Variants in SLC35B3 observed in about 807,000 individuals in gnomAD.
The protein encoded by SLC35B3 is adenosine 3'-phospho 5'-phosphosulfate transporter 2.
Under a neutral mutation model 44.1 loss-of-function variants are expected in SLC35B3, and 35 were observed. The observed-to-expected ratio is 0.79, with a 90% CI of 0.61 to 1.05. The LOEUF is 1.05. Ranked by LOEUF, SLC35B3 falls within the 50% of genes least tolerant of loss-of-function variation. The probability of loss-of-function intolerance (pLI) is 0.00; values close to 1 mark genes in which losing one functional copy is unlikely to be tolerated. For synonymous variants in SLC35B3, 146 were observed against 167.3 expected (o/e 0.87, Z 0.98); for missense variants, 414 against 476.4 (o/e 0.87, Z 1.22).
chr6:8,432,397 C>T lies in SLC35B3; in HGVS notation c.3+1988G>A, dbSNP rs1764077546. 6.6e-6 allele frequency among the ~76,000 whole-genome samples: 1 copy of T among 152,058 alleles called. No homozygotes were observed. The highest frequency in any genetic ancestry group is 1.5e-5 in the Non-Finnish European group (1 of 68,026). On this transcript the variant is annotated intron_variant, in intron 2 of 10. Transcript: ENST00000644923. The surrounding 1 kb of genome is among the most constrained non-coding windows in gnomAD (Gnocchi z 4.8). ...TGCTTTTATTGGCATCAAAACATTT[C>T]TCCAGAAGGTCACGCTTTCCCAAAG...
chr6:8,427,760 A>C, intron 4 of SLC35B3, 177 bp downstream of exon 3: 1 of 465,596 alleles, frequency 2.1e-6, no homozygotes, highest in Non-Finnish European at 3.7e-6. Context: ...TGCATTTAAG[A>C]CTTTATTTTT....
At chr6:8,424,500 T>TCC (rs1763233448) in intron 4 of SLC35B3, among the ~76,000 whole-genome samples, 1 of 152,148 alleles carries the variant, frequency 6.6e-6, no homozygotes, top group African/African-American at 2.4e-5. Context: ...CCTCAGGTGA[T>TCC]CAACCTGCCT....
chr6:8,422,105 A>G (rs933078320), intron 5 of SLC35B3, among the ~76,000 whole-genome samples: 2 of 152,128 alleles, frequency 1.3e-5, no homozygotes, highest in African/African-American at 4.8e-5. Context: ...CCTGGGTTCA[A>G]GCAATTCGTC....
At chr6:8,422,177 G>GT (rs1185430823) in intron 5 of SLC35B3, among the ~76,000 whole-genome samples, 1 of 152,052 alleles carries the variant, frequency 6.6e-6, no homozygotes, top group Non-Finnish European at 1.5e-5. Context: ...GCTAATTTTT[G>GT]TATTTTTAGT....
In SLC35B3 at chr6:8,417,443, A is replaced by C. The variant is rs1561746986; in HGVS notation, c.832T>G (p.Cys278Gly). The change falls in exon 8 of 11, where the codon TGC becomes GGC. Residue 278 changes from cysteine to glycine, a missense_variant. Coordinates refer to ENST00000644923, the MANE Select transcript of SLC35B3 (RefSeq NM_001370476.2). ...ACTGCAGGGCCTAATCCACTAGTGCATGTCAATCCCAGTAAAATGTATACA... is the reference window on the plus strand; with the variant it reads ...ACTGCAGGGCCTAATCCACTAGTGCCTGTCAATCCCAGTAAAATGTATACA... 1 of 1,607,326 alleles carries C rather than the reference A, an allele frequency of 6.2e-7. No individual in the cohort carries two copies. Among genetic ancestry groups the C allele is most frequent in the Non-Finnish European group, 8.5e-7 (1 of 1,177,220 alleles).
chr6:8,417,560 T>A, intron 7 of SLC35B3, 66 bp from the exon 7 acceptor site: 1 of 878,662 alleles, frequency 1.1e-6, no homozygotes, highest in Non-Finnish European at 1.8e-6. Flanking sequence ...TTAAGGGTTT[T>A]AACTCTATGG....
chr6:8,415,048 CA>C, intron 9 of SLC35B3, 71 bp from the exon 9 acceptor site: 3 of 1,057,888 alleles, frequency 2.8e-6, no homozygotes, highest in Non-Finnish European at 4.3e-6. Context: ...ACTTATTCAG[CA>C]AATATTTAGA....
rs534204460 is a variant in SLC35B3, at chr6:8,413,333, A to C, written c.*216T>G. On this transcript the variant is annotated 3_prime_UTR_variant, in exon 11 of 11. Transcript: ENST00000644923. The stretch of plus-strand genomic sequence containing the variant: ...TCCTTCATATTGACATTTTATTGTA[A>C]AGTCTGCTAGACGTGGCTCTCTTGA... The C allele has an allele frequency of 1.2e-3, 510 of 438,612 alleles. No homozygotes were observed. Among genetic ancestry groups the C allele is most frequent in the Middle Eastern group, 1.7e-3 (3 of 1,742 alleles). The allele number at this position is 438,612 out of a possible 1,614,324, so 27.2% of individuals were successfully genotyped here. A position where few individuals can be genotyped will look rare whatever the true frequency, so the allele number is the denominator to read the frequency against.
chr6:8,417,556 G>A (rs936484690), intron 7 of SLC35B3, 62 bp from the exon 7 acceptor site: 3 of 932,554 alleles, frequency 3.2e-6, no homozygotes, highest in Non-Finnish European at 4.9e-6. Flanking sequence ...AAGATTAAGG[G>A]TTTTAACTCT....
In SLC35B3 at chr6:8,422,464, C is replaced by T; in HGVS notation, c.574+6G>A. Reference sequence around the variant, plus strand: ...TAAATAGTATAAAAACATATCATTACTATACCTTGAATAAAAACTCCTCCT... The same window carrying T: ...TAAATAGTATAAAAACATATCATTATTATACCTTGAATAAAAACTCCTCCT... On this transcript the variant is annotated splice_donor_region_variant and intron_variant, in intron 5 of 10. Coordinates refer to ENST00000644923, the MANE Select transcript of SLC35B3 (RefSeq NM_001370476.2). The T allele has an allele frequency of 6.2e-7, 1 of 1,605,034 alleles. No individual in the cohort carries two copies. Among genetic ancestry groups the T allele is most frequent in the East Asian group, 2.2e-5 (1 of 44,760 alleles).
At chr6:8,416,685 A>G (rs1002114540) in intron 9 of SLC35B3, among the ~76,000 whole-genome samples, 199 bp downstream of exon 8, 2 of 152,202 alleles carry the variant, frequency 1.3e-5, no homozygotes, top group African/African-American at 4.8e-5. Flanking sequence ...TTAAAATTAA[A>G]CCATCAAAAT....
At chr6:8,425,420 G>C (rs1324071317) in intron 4 of SLC35B3, among the ~76,000 whole-genome samples, 1 of 151,832 alleles carries the variant, frequency 6.6e-6, no homozygotes, top group Non-Finnish European at 1.5e-5. Context: ...CTAGGTCTTT[G>C]TTTTCTCATT....
intron 9 of SLC35B3, among the ~76,000 whole-genome samples, chr6:8,415,667 T>C (rs1340489979): frequency 1.3e-5 from 2 of 152,206 alleles, no homozygotes; most frequent in Non-Finnish European, 2.9e-5. Flanking sequence ...CTTAGTAATT[T>C]ATGCATGAAT....
rs1764050239 is a variant in SLC35B3, at chr6:8,432,149, A to C, written c.4-1992T>G. Among the ~76,000 whole-genome samples, 1 of 152,086 alleles carries C rather than the reference A, an allele frequency of 6.6e-6. No homozygotes were observed. Among genetic ancestry groups the C allele is most frequent in the Non-Finnish European group, 1.5e-5 (1 of 68,032 alleles). Reference sequence around the variant, plus strand: ...ATACTCTGACCTGATATTCAGATGAACCAAATAAACTGATCCTTCCTCTTG... The same window carrying C: ...ATACTCTGACCTGATATTCAGATGACCCAAATAAACTGATCCTTCCTCTTG... On this transcript the variant is annotated intron_variant, in intron 2 of 10. Transcript: ENST00000644923. This position sits in a 1 kb window ranked among gnomAD's most constrained non-coding sequence, Gnocchi z 4.8.
chr6:8,418,268 C>A (rs140178788), intron 7 of SLC35B3, among the ~76,000 whole-genome samples: 1 of 152,222 alleles, frequency 6.6e-6, no homozygotes, highest in African/African-American at 2.4e-5. Flanking sequence ...TCCCTCAATT[C>A]TCTCTGTGCC....
At chr6:8,422,702 A>G in intron 4 of SLC35B3, 78 bp from the exon 4 acceptor site, 1 of 1,110,230 alleles carries the variant, frequency 9.0e-7, no homozygotes, top group Non-Finnish European at 1.3e-6. Context: ...CACATTGTGT[A>G]AATGTCTAAT....
intron 4 of SLC35B3, among the ~76,000 whole-genome samples, chr6:8,427,638 A>G (rs1189906440): frequency 1.3e-5 from 2 of 152,300 alleles, no homozygotes; most frequent in East Asian, 1.9e-4. Flanking sequence ...AACTGCACCT[A>G]TTTCAGCAGA....
intron 4 of SLC35B3, among the ~76,000 whole-genome samples, chr6:8,423,526 T>C (rs1455642674): frequency 6.6e-6 from 1 of 152,212 alleles, no homozygotes; most frequent in Non-Finnish European, 1.5e-5. Context: ...ATATGCTCAC[T>C]TTGACTAGAT....
intron 7 of SLC35B3, among the ~76,000 whole-genome samples, chr6:8,418,624 CTT>C (rs1223898329): frequency 1.3e-5 from 2 of 148,520 alleles, no homozygotes; most frequent in African/African-American, 2.5e-5. Flanking sequence ...GATGAAATAA[CTT>C]TAATAAGTTA....
Sources: allele counts gnomAD v4.1 joint callset (sites outside exome capture counted in the v4.1 genomes callset), GRCh38; gene constraint gnomAD v4.1.1; non-coding constraint Gnocchi (gnomAD v3.1); transcripts MANE v1.5; gene names NCBI Gene and HGNC (gene_info 2026-07-23, HGNC 2026-07-21).